Variants in MYG1 observed in about 807,000 individuals in gnomAD.
MYG1 encodes the protein MYG1 exonuclease.
Under a neutral mutation model 43.5 loss-of-function variants are expected in MYG1, and 36 were observed. The observed-to-expected ratio is 0.83, with a 90% CI of 0.63 to 1.09. The LOEUF (loss-of-function observed/expected upper bound fraction) is 1.09. Ranked by LOEUF, MYG1 falls within the 50% of genes least tolerant of loss-of-function variation. MYG1 has a pLI of 0.00. For missense variants in MYG1, 529 were observed against 495.1 expected (o/e 1.07, Z -0.65); for synonymous variants, 220 against 202.8 (o/e 1.08, Z -0.72).
At position 53,299,787 on chromosome 12, in the gene MYG1, C is replaced by T; in HGVS notation, c.50C>T (p.Pro17Leu). 1 of 1,613,934 alleles carries T rather than the reference C, an allele frequency of 6.2e-7. No individual in the cohort carries two copies. The highest frequency in any genetic ancestry group is 8.5e-7 in the Non-Finnish European group (1 of 1,179,838). Residue 17 changes from proline to leucine, a missense_variant, in exon 1 of 7, where the codon CCA becomes CTA. By Grantham distance (98) the Pro-to-Leu change is moderately conservative. Coordinates refer to ENST00000267103, the MANE Select transcript of MYG1 (RefSeq NM_021640.4). ...CTCTTAACGCTGCTGCTGCCGCCGC[C>T]ACCCCTGTATACCCGGCACCGCATG... ...RGLLTLLLPP[P>L]PLYTRHRMLG...
chr12:53,303,312 C>A, intron 3 of MYG1, 119 bp downstream of exon 3: 1 of 1,082,274 alleles, frequency 9.2e-7, no homozygotes, highest in Non-Finnish European at 1.3e-6. Flanking sequence ...TATAGCAGGC[C>A]CAACACTCAT....
At position 53,306,395 on chromosome 12, in the gene MYG1, C is replaced by T. The variant is rs545587259; in HGVS notation, c.765+75C>T. Reference sequence around the variant, plus strand: ...TCAACAGGAACTCCTGCTTCTTCTACCCTAAACCCTGGAGTGCAGTGGCAG... The same window carrying T: ...TCAACAGGAACTCCTGCTTCTTCTATCCTAAACCCTGGAGTGCAGTGGCAG... On this transcript the variant is annotated intron_variant, in intron 5 of 6. Coordinates refer to ENST00000267103, the MANE Select transcript of MYG1 (RefSeq NM_021640.4). 2.0e-5 allele frequency: 32 copies of T among 1,584,350 alleles called. No homozygotes were observed. In the African/African-American group the frequency reaches 3.1e-4, roughly 15 times the overall value.
intron 2 of MYG1, among the ~76,000 whole-genome samples, 167 bp from the exon 3 acceptor site, chr12:53,302,867 C>T (rs1242845406): frequency 6.6e-6 from 1 of 152,124 alleles, no homozygotes; most frequent in Non-Finnish European, 1.5e-5. Flanking sequence ...TTGTCGGCCT[C>T]CGGCAGATGA....
chr12:53,301,750 G>A (rs541209009), intron 2 of MYG1, among the ~76,000 whole-genome samples: 62 of 151,080 alleles, frequency 4.1e-4, no homozygotes, highest in Non-Finnish European at 8.1e-4. Context: ...GTGCAGTGAT[G>A]TGATCTCGAC....
rs1213867135 is a variant in MYG1, at chr12:53,304,876, T to G, written c.490-1032T>G. Among the ~76,000 whole-genome samples the G allele has an allele frequency of 9.4e-3, 1,370 of 145,524 alleles. 33 individuals carry two copies. Among genetic ancestry groups the G allele is most frequent in the African/African-American group, 0.033 (1,302 of 39,150 alleles). ...CTAAACCCATGTTTTTTTTTTTTTT[T>G]TTTTTTTTTTGAGACGGAGTCTCGC... On this transcript the variant is annotated intron_variant, in intron 3 of 6. Transcript: ENST00000267103.
At chr12:53,304,994 A>C (rs1292429679) in intron 3 of MYG1, among the ~76,000 whole-genome samples, 1 of 148,158 alleles carries the variant, frequency 6.7e-6, no homozygotes, top group African/African-American at 2.5e-5. Flanking sequence ...TCAGCCTCCC[A>C]AGTAGCTGGG....
chr12:53,300,639 ATG>A (rs1481813058), intron 2 of MYG1, among the ~76,000 whole-genome samples: 1 of 152,220 alleles, frequency 6.6e-6, no homozygotes, highest in Non-Finnish European at 1.5e-5. Context: ...GACAGTTCAG[ATG>A]TGTGAAGTTT....
At chr12:53,302,964 C>T (rs1944242288) in intron 2 of MYG1, 70 bp from the exon 3 acceptor site, 3 of 1,435,458 alleles carry the variant, frequency 2.1e-6, no homozygotes, top group Non-Finnish European at 2.8e-6. Context: ...ATTGAGTTAA[C>T]CATTGAATGA....
chr12:53,306,553 A>G, intron 5 of MYG1, 127 bp from the exon 6 acceptor site: 1 of 1,148,308 alleles, frequency 8.7e-7, no homozygotes, highest in Non-Finnish European at 1.2e-6. Context: ...TTTGTTGCCT[A>G]GGCTAGTCTC....
At chr12:53,304,932 G>C (rs1206785411) in intron 3 of MYG1, among the ~76,000 whole-genome samples, 1 of 146,800 alleles carries the variant, frequency 6.8e-6, no homozygotes, top group African/African-American at 2.5e-5. Flanking sequence ...GCAGTGGCGG[G>C]ATCTCGGCTC....
In MYG1 at chr12:53,306,271, G is replaced by C; in HGVS notation, c.716G>C (p.Trp239Ser). 1 of 1,614,230 alleles carries C rather than the reference G, an allele frequency of 6.2e-7. No homozygotes were observed. The highest frequency in any genetic ancestry group is 8.5e-7 in the Non-Finnish European group (1 of 1,180,050). The stretch of plus-strand genomic sequence containing the variant: ...AGATTAGATTTCTACCAACACAGCT[G>C]GCTGCCAGCCCGGGCCTTGGTGGAA... Reference protein sequence around the residue: ...LQRLDFYQHSWLPARALVEEA... With the variant: ...LQRLDFYQHSSLPARALVEEA... The change falls in exon 5 of 7, where the codon TGG (tryptophan) becomes TCG (serine). Residue 239 changes from tryptophan to serine, a missense_variant. By Grantham distance (177) the Trp-to-Ser change is radical (BLOSUM62 -3). Transcript: ENST00000267103.
intron 4 of MYG1, 25 bp downstream of exon 4, chr12:53,306,085 G>A (rs372971018): frequency 1.2e-5 from 19 of 1,610,162 alleles, no homozygotes; most frequent in Admixed American, 5.0e-5. Flanking sequence ...GAGGAGACCC[G>A]GAGACCTGTA....
In MYG1 at chr12:53,299,941, G is replaced by T. The variant is rs775600170; in HGVS notation, c.204G>T (p.Leu68=). 7.4e-6 allele frequency: 12 copies of T among 1,614,072 alleles called. No individual in the cohort carries two copies. The South Asian group carries it at 1.1e-4, about 15-fold the overall frequency. The part of the protein sequence containing the change: ...EALACALLRL[L]PEYRDAEIVR... ...TGGCATGCGCACTGCTTCGCCTCCTGCCGGAGTACCGGGTACGGTCCGCGA... is the reference window on the plus strand; with the variant it reads ...TGGCATGCGCACTGCTTCGCCTCCTTCCGGAGTACCGGGTACGGTCCGCGA... Residue 68 remains leucine (L), a synonymous_variant, in exon 1 of 7, where the codon CTG becomes CTT. Transcript: ENST00000267103.
chr12:53,299,704 G>A lies in MYG1; in HGVS notation c.-34G>A. On this transcript the variant is annotated 5_prime_UTR_variant, in exon 1 of 7. Coordinates refer to ENST00000267103, the MANE Select transcript of MYG1 (RefSeq NM_021640.4). The stretch of plus-strand genomic sequence containing the variant: ...GCTGCGCTGGCGCTTCCTCTTCCGG[G>A]TCGGCGCTCCTGCCTCCCTGCAGGG... 6.4e-7 allele frequency: 1 copy of A among 1,571,220 alleles called. No homozygotes were observed.
At chr12:53,306,157 G>GT in intron 4 of MYG1, 41 bp from the exon 5 acceptor site, 1 of 1,613,394 alleles carries the variant, frequency 6.2e-7, no homozygotes, top group Non-Finnish European at 8.5e-7. Flanking sequence ...CAAATTCCAA[G>GT]TTTGGGCCAG....
chr12:53,302,682 A>G (rs1429675317), intron 2 of MYG1, among the ~76,000 whole-genome samples: 1 of 152,066 alleles, frequency 6.6e-6, no homozygotes, highest in Non-Finnish European at 1.5e-5. Context: ...CTCAGCCATC[A>G]TTCATGTTGT....
Position 53,299,772 on chromosome 12 carries a change from T to C in MYG1, c.35T>C (p.Leu12Pro), listed in dbSNP as rs760590713. The change falls in exon 1 of 7, where the codon CTG becomes CCG. Residue 12 changes from leucine (L) to proline (P), a missense_variant. Leu to Pro is a moderately conservative substitution (Grantham distance 98). Transcript: ENST00000267103. ...CAATTCCTGCGCGGCCTCTTAACGC[T>C]GCTGCTGCCGCCGCCACCCCTGTAT... ...GHQFLRGLLT[L>P]LLPPPPLYTR... The C allele has an allele frequency of 7.4e-6, 12 of 1,612,410 alleles. No homozygotes were observed. Among genetic ancestry groups the C allele is most frequent in the African/African-American group, 1.3e-5 (1 of 74,888 alleles).
chr12:53,303,242 C>T (rs779600792), intron 3 of MYG1, 49 bp downstream of exon 3: 47 of 1,590,646 alleles, frequency 3.0e-5, no homozygotes, highest in South Asian at 2.3e-5. Context: ...TCCAGCAGGC[C>T]GCCTGGGAGC....
chr12:53,300,965 G>C (rs1198918802), intron 2 of MYG1, among the ~76,000 whole-genome samples: 10 of 148,092 alleles, frequency 6.8e-5, no homozygotes, highest in Non-Finnish European at 1.3e-4. Context: ...TGTCGCCCAA[G>C]CTGGAGTGTA....
Sources: allele counts gnomAD v4.1 joint callset (sites outside exome capture counted in the v4.1 genomes callset), GRCh38; gene constraint gnomAD v4.1.1; transcripts MANE v1.5; gene names NCBI Gene and HGNC (gene_info 2026-07-23, HGNC 2026-07-21).